Variants in STK3 observed in about 807,000 individuals in gnomAD.
The protein encoded by STK3 is serine/threonine-protein kinase 3.
Under a neutral mutation model 58.0 loss-of-function variants are expected in STK3, and 41 were observed. The observed-to-expected ratio is 0.71, with a 90% CI of 0.55 to 0.92. The LOEUF (loss-of-function observed/expected upper bound fraction) is 0.92, where lower values mean the gene tolerates loss of function less well. Ranked by LOEUF, STK3 falls within the 40% of genes least tolerant of loss-of-function variation. The pLI, the probability that STK3 is intolerant of heterozygous loss-of-function variation, is 0.00. For missense variants in STK3, 479 were observed against 602.7 expected (o/e 0.79, Z 2.15); for synonymous variants, 170 against 191.0 (o/e 0.89, Z 0.91).
intron 6 of STK3, chr8:98,602,231 A>C (rs1471130755): frequency 6.6e-6 from 1 of 152,248 alleles, no homozygotes; most frequent in East Asian, 1.9e-4. Context: ...CTCTTGCAAA[A>C]TTCTTATGTT....
At chr8:98,562,725 T>G (rs139915048) in intron 8 of STK3, among the ~76,000 whole-genome samples, 13 of 88,242 alleles carry the variant, frequency 1.5e-4, no homozygotes, top group African/African-American at 6.2e-4. Flanking sequence ...GACTCCCATC[T>G]CCACAAAAAA....
chr8:98,400,669 A>G (rs947359089), downstream of STK3, among the ~76,000 whole-genome samples: 14 of 152,336 alleles, frequency 9.2e-5, no homozygotes, highest in Middle Eastern at 3.4e-3. Flanking sequence ...TTTCACAGCC[A>G]ATTCCAGTAA....
At chr8:98,652,091 A>C (rs551342806) in intron 6 of STK3, among the ~76,000 whole-genome samples, 5 of 152,184 alleles carry the variant, frequency 3.3e-5, no homozygotes, top group Non-Finnish European at 2.9e-5. Flanking sequence ...AGAAAGGTCA[A>C]GTTACCCACA....
chr8:98,385,378 C>T (rs1307386816), intron 1 of STK3, among the ~76,000 whole-genome samples: 3 of 152,142 alleles, frequency 2.0e-5, no homozygotes, highest in African/African-American at 7.2e-5. Flanking sequence ...GGAAATAAGA[C>T]TTTAAATGTC....
chr8:98,845,283 G>T (rs1471929091), intron 3 of STK3, among the ~76,000 whole-genome samples: 1 of 152,038 alleles, frequency 6.6e-6, no homozygotes, highest in Non-Finnish European at 1.5e-5. Flanking sequence ...GTGCTTACTT[G>T]ATTTTGTTAC....
intron 1 of STK3, among the ~76,000 whole-genome samples, chr8:98,930,065 C>T (rs1839951191): frequency 6.6e-6 from 1 of 151,706 alleles, no homozygotes; most frequent in Non-Finnish European, 1.5e-5. Flanking sequence ...GTGTCCTGAA[C>T]AACATGTAGG....
At chr8:98,590,554 GC>G (rs1815212631) in intron 7 of STK3, among the ~76,000 whole-genome samples, 1 of 152,200 alleles carries the variant, frequency 6.6e-6, no homozygotes, top group Non-Finnish European at 1.5e-5. Flanking sequence ...TTCTCAAGGA[GC>G]AAAAAGCAGG....
intron 6 of STK3, among the ~76,000 whole-genome samples, chr8:98,672,140 T>A (rs2130847494): frequency 6.6e-6 from 1 of 152,116 alleles, no homozygotes; most frequent in East Asian, 1.9e-4. Context: ...ACAGACAGGG[T>A]CTCTCAAACT....
rs984537708 is a variant in STK3, at chr8:98,864,891, A to C, written c.110+18756T>G. 2.6e-5 allele frequency among the ~76,000 whole-genome samples: 4 copies of C among 152,234 alleles called. No homozygotes were observed. The East Asian group carries it at 5.8e-4, about 22-fold the overall frequency. ...ATTGGCTGCTTCCACTCCTTCTATT[A>C]CAGCTACATTTCAGTCAGAAAGAAA... On this transcript the variant is annotated intron_variant, in intron 3 of 12. Coordinates refer to the STK3 transcript ENST00000523601.
At chr8:98,778,594 G>A (rs1411562787) in intron 1 of STK3, among the ~76,000 whole-genome samples, 11 of 151,930 alleles carry the variant, frequency 7.2e-5, no homozygotes, top group East Asian at 5.8e-4. Context: ...TGTTTATTGC[G>A]GCACTATTCA....
chr8:98,796,828 T>C (rs1833202974), intron 1 of STK3, among the ~76,000 whole-genome samples: 1 of 152,184 alleles, frequency 6.6e-6, no homozygotes, highest in Admixed American at 6.5e-5. Flanking sequence ...AAAGAAGACA[T>C]ACAAGTAGCC....
chr8:98,607,472 A>C (rs1385843344), intron 6 of STK3, among the ~76,000 whole-genome samples: 1 of 152,210 alleles, frequency 6.6e-6, no homozygotes, highest in East Asian at 1.9e-4. Flanking sequence ...AATTTTTTTG[A>C]ATCTGTGAAT....
intron 3 of STK3, among the ~76,000 whole-genome samples, chr8:98,855,618 T>G (rs1160826841): frequency 6.6e-6 from 1 of 152,196 alleles, no homozygotes; most frequent in African/African-American, 2.4e-5. Flanking sequence ...TTCTTAGATA[T>G]GATAACAAAA....
At chr8:98,788,414 G>A (rs1832603479) in intron 1 of STK3, among the ~76,000 whole-genome samples, 1 of 151,702 alleles carries the variant, frequency 6.6e-6, no homozygotes, top group Admixed American at 6.6e-5. Context: ...CTCCAGCCTG[G>A]GTGATGGAGT....
In STK3 at chr8:98,800,918, GC is replaced by G. The variant is rs1377333637; in HGVS notation, c.26+24596del. On this transcript the variant is annotated intron_variant, in intron 1 of 10. Coordinates refer to ENST00000419617, the MANE Select transcript of STK3 (RefSeq NM_006281.4). The surrounding 1 kb of genome is among the most constrained non-coding windows in gnomAD (Gnocchi z 4.8). The stretch of plus-strand genomic sequence containing the variant: ...GCCGGAGCCTCCCCAACAGGCGCTG[GC>G]CCCTGCTCCACGGCGTCCGGTCCCA... Among the ~76,000 whole-genome samples, 1 of 152,216 alleles carries G rather than the reference GC, an allele frequency of 6.6e-6. No homozygotes were observed. The highest frequency in any genetic ancestry group is 1.5e-5 in the Non-Finnish European group (1 of 68,036).
intron 10 of STK3, among the ~76,000 whole-genome samples, chr8:98,499,490 C>T (rs1823405370): frequency 6.6e-6 from 1 of 152,088 alleles, no homozygotes; most frequent in African/African-American, 2.4e-5. Context: ...GTGGGAGGTG[C>T]ATGATAGAAA....
chr8:98,537,100 G>A (rs563764603), intron 9 of STK3, among the ~76,000 whole-genome samples: 1 of 152,248 alleles, frequency 6.6e-6, no homozygotes, highest in East Asian at 1.9e-4. Flanking sequence ...AAAAGAAGGA[G>A]TCTATTCTGT....
intron 6 of STK3, among the ~76,000 whole-genome samples, chr8:98,632,652 T>C (rs1819346087): frequency 2.6e-5 from 4 of 152,228 alleles, no homozygotes; most frequent in Admixed American, 2.6e-4. Flanking sequence ...ACCTAAATGA[T>C]TTGTTTTCCT....
chr8:98,528,598 T>C (rs1278029372), intron 9 of STK3, among the ~76,000 whole-genome samples: 5 of 152,146 alleles, frequency 3.3e-5, no homozygotes, highest in Non-Finnish European at 7.3e-5. Flanking sequence ...GCAATTCTCC[T>C]GCCTCAGCCT....
Sources: allele counts gnomAD v4.1 joint callset (sites outside exome capture counted in the v4.1 genomes callset), GRCh38; gene constraint gnomAD v4.1.1; non-coding constraint Gnocchi (gnomAD v3.1); transcripts MANE v1.5; gene names NCBI Gene and HGNC (gene_info 2026-07-23, HGNC 2026-07-21).